Variants in SLC15A5 observed in about 807,000 individuals in gnomAD.
The protein encoded by SLC15A5 is solute carrier family 15 member 5.
In SLC15A5, 58 loss-of-function variants were observed where a neutral mutation model predicts 56.1. The ratio of observed to expected loss-of-function variants is 1.03; its 90% CI spans 0.84 to 1.29. The LOEUF (loss-of-function observed/expected upper bound fraction) is 1.29, where lower values mean the gene tolerates loss of function less well. Among genes scored for constraint, SLC15A5 ranks in the 50% most tolerant of loss-of-function variants. The pLI is 0.00. For missense variants in SLC15A5, 681 were observed against 672.1 expected (o/e 1.01, Z -0.15); for synonymous variants, 264 against 250.5 (o/e 1.05, Z -0.51).
At chr12:16,216,747 A>T in intron 7 of SLC15A5, 146 bp downstream of exon 7, 2 of 684,016 alleles carry the variant, frequency 2.9e-6, no homozygotes, top group Non-Finnish European at 4.6e-6. Flanking sequence ...GCAAGAGTGT[A>T]TTTCCTATCT....
intron 8 of SLC15A5, among the ~76,000 whole-genome samples, chr12:16,192,073 G>A (rs919535933): frequency 6.6e-6 from 1 of 152,076 alleles, no homozygotes; most frequent in Admixed American, 6.6e-5. Context: ...AATCCTAGTT[G>A]TGTGAACTTG....
chr12:16,248,218 T>A (rs1424455007), intron 3 of SLC15A5, among the ~76,000 whole-genome samples: 1 of 152,084 alleles, frequency 6.6e-6, no homozygotes, highest in Non-Finnish European at 1.5e-5. Flanking sequence ...ACCAAGTCAA[T>A]ATGTCAAATA....
At chr12:16,244,916 TA>T (rs1864447823) in intron 3 of SLC15A5, 116 bp from the exon 4 acceptor site, 1 of 1,133,402 alleles carries the variant, frequency 8.8e-7, no homozygotes, top group Admixed American at 2.4e-5. Context: ...AGAAAGTTTT[TA>T]GCACCCAAGG....
At chr12:16,206,806 T>G in intron 7 of SLC15A5, among the ~76,000 whole-genome samples, 1 of 152,184 alleles carries the variant, frequency 6.6e-6, no homozygotes, top group African/African-American at 2.4e-5. Context: ...GAAGGAACAC[T>G]GTGTCTTTCA....
intron 3 of SLC15A5, among the ~76,000 whole-genome samples, chr12:16,248,478 A>G (rs1176462256): frequency 2.6e-5 from 4 of 152,186 alleles, no homozygotes; most frequent in African/African-American, 9.6e-5. Flanking sequence ...AGGGAAAGAA[A>G]GTGGTGAAGT....
chr12:16,236,896 G>A (rs1032780567), intron 5 of SLC15A5, among the ~76,000 whole-genome samples: 11 of 152,222 alleles, frequency 7.2e-5, no homozygotes, highest in East Asian at 1.9e-4. Flanking sequence ...ACGTTTAGCC[G>A]CTAAGCAGAA....
chr12:16,269,851 T>C lies in SLC15A5; in HGVS notation c.584+2710A>G, dbSNP rs879497877. Among the ~76,000 whole-genome samples, 2 of 152,198 alleles carry C rather than the reference T, an allele frequency of 1.3e-5. No homozygotes were observed. Among genetic ancestry groups the C allele is most frequent in the Non-Finnish European group, 2.9e-5 (2 of 68,036 alleles). On this transcript the variant is annotated intron_variant, in intron 2 of 8. Transcript: ENST00000344941. This position sits in a 1 kb window ranked among gnomAD's most constrained non-coding sequence, Gnocchi z 4.7. ...CAGAAGCAAGATTTGAGGTTAATTGTGGTAGAATTTAAAATTGTGGCCAGG... is the reference window on the plus strand; with the variant it reads ...CAGAAGCAAGATTTGAGGTTAATTGCGGTAGAATTTAAAATTGTGGCCAGG...
chr12:16,224,580 T>C lies in SLC15A5; in HGVS notation c.1185A>G (p.Ala395=), dbSNP rs61915927. The change falls in exon 6 of 9, where the codon GCA becomes GCG. Residue 395 remains alanine (A), a synonymous_variant. Coordinates refer to ENST00000344941, the MANE Select transcript of SLC15A5 (RefSeq NM_001170798.1). The part of the protein sequence containing the change: ...TCIIAGNLFA[A]LSVMIAGFFE... ...AGAAGCCAGCTATCATCACAGACAA[T>C]GCAGCAAAAAGATTTCCAGCAACTG... The C allele has an allele frequency of 0.034, 51,826 of 1,532,066 alleles. 974 individuals carry two copies. Among genetic ancestry groups the C allele is most frequent in the Admixed American group, 0.055 (2,759 of 50,044 alleles). The allele number at this position is 1,532,066 out of a possible 1,614,324, so 94.9% of individuals were successfully genotyped here.
At chr12:16,260,408 G>C (rs376600697) in intron 2 of SLC15A5, among the ~76,000 whole-genome samples, 2 of 151,890 alleles carry the variant, frequency 1.3e-5, no homozygotes, top group Admixed American at 1.3e-4. Flanking sequence ...GTTGTGTTAA[G>C]TTCGGGTTTT....
intron 6 of SLC15A5, among the ~76,000 whole-genome samples, chr12:16,223,932 G>A (rs1469544882): frequency 6.6e-6 from 1 of 152,138 alleles, no homozygotes; most frequent in East Asian, 1.9e-4. Flanking sequence ...TGGCCAGGAT[G>A]GTCTTGATCT....
intron 3 of SLC15A5, 61 bp downstream of exon 3, chr12:16,257,640 A>G: frequency 8.1e-7 from 1 of 1,230,464 alleles, no homozygotes; most frequent in Non-Finnish European, 1.0e-6. Context: ...TCAAAGAGAA[A>G]GGATATCTGT....
chr12:16,193,488 C>A (rs1361294208), intron 8 of SLC15A5, among the ~76,000 whole-genome samples: 2 of 151,520 alleles, frequency 1.3e-5, no homozygotes, highest in Non-Finnish European at 2.9e-5. Context: ...GGCTGATGTT[C>A]AAAAAGAGAT....
rs534222450 is a variant in SLC15A5 at position 16,205,430 on chromosome 12, A to C, written c.1484-10977T>G. ...CAGGATTCTAGTCTAAGGCGGGAAT[A>C]AGTTATGTACTTAATGATCATAGAA... is the stretch of plus-strand genomic sequence containing the variant. On this transcript the variant is annotated intron_variant, in intron 7 of 8. Transcript: ENST00000344941. 2.4e-3 allele frequency among the ~76,000 whole-genome samples: 366 copies of C among 151,220 alleles called. 2 individuals are homozygous for C. Among genetic ancestry groups the C allele is most frequent in the African/African-American group, 8.7e-3 (358 of 41,322 alleles).
intron 6 of SLC15A5, among the ~76,000 whole-genome samples, chr12:16,223,464 C>T (rs2417549): frequency 0.54 from 81,755 of 151,970 alleles, 22,296 homozygotes; most frequent in South Asian, 0.73. Context: ...TTGCAAGAAG[C>T]CACTGAAATA....
In SLC15A5 at chr12:16,196,835, T is replaced by TA. The variant is rs1863898988; in HGVS notation, c.1484-2383dup. On this transcript the variant is annotated intron_variant, in intron 7 of 8. Transcript: ENST00000344941. The surrounding 1 kb of genome is among the most constrained non-coding windows in gnomAD (Gnocchi z 4.0). ...CACTAAGATCTTTAAAGGTAAAACATAATATTTTAAAGAAATTGTTTCATT... is the reference window on the plus strand; with the variant it reads ...CACTAAGATCTTTAAAGGTAAAACATAAATATTTTAAAGAAATTGTTTCATT... Among the ~76,000 whole-genome samples, 1 of 152,046 alleles carries TA rather than the reference T, an allele frequency of 6.6e-6. No individual in the cohort carries two copies. Among genetic ancestry groups the TA allele is most frequent in the Non-Finnish European group, 1.5e-5 (1 of 68,000 alleles).
intron 3 of SLC15A5, among the ~76,000 whole-genome samples, chr12:16,254,817 C>T (rs1035778024): frequency 3.3e-5 from 5 of 151,994 alleles, no homozygotes; most frequent in African/African-American, 4.8e-5. Flanking sequence ...AGAAGTAAAA[C>T]GTAGAACAGA....
intron 2 of SLC15A5, among the ~76,000 whole-genome samples, chr12:16,261,560 A>G (rs1367622353): frequency 6.6e-6 from 1 of 152,230 alleles, no homozygotes; most frequent in African/African-American, 2.4e-5. Context: ...CTTTGAACAG[A>G]CATAGACATT....
chr12:16,241,611 T>C (rs1864415575), intron 4 of SLC15A5, among the ~76,000 whole-genome samples: 1 of 152,162 alleles, frequency 6.6e-6, no homozygotes, highest in South Asian at 2.1e-4. Flanking sequence ...AAAGGAACAT[T>C]AGTTAGTTCT....
At chr12:16,257,224 A>T (rs1216878909) in intron 3 of SLC15A5, among the ~76,000 whole-genome samples, 1 of 152,136 alleles carries the variant, frequency 6.6e-6, no homozygotes, top group Admixed American at 6.5e-5. Flanking sequence ...AATATATTAC[A>T]TATAAATAAA....
Sources: allele counts gnomAD v4.1 joint callset (sites outside exome capture counted in the v4.1 genomes callset), GRCh38; gene constraint gnomAD v4.1.1; non-coding constraint Gnocchi (gnomAD v3.1); transcripts MANE v1.5; gene names NCBI Gene and HGNC (gene_info 2026-07-23, HGNC 2026-07-21).